NPFFR2: variants seen among roughly 807,000 people sequenced by gnomAD.
The protein encoded by NPFFR2 is neuropeptide FF receptor 2.
In NPFFR2, 15 loss-of-function variants were observed where a neutral mutation model predicts 13.1. That is an observed-to-expected ratio of 1.15 (90% CI 0.77 to 1.76). The LOEUF (loss-of-function observed/expected upper bound fraction) is 1.76. Among genes scored for constraint, NPFFR2 ranks in the 40% most tolerant of loss-of-function variants. The pLI, the probability that NPFFR2 is intolerant of heterozygous loss-of-function variation, is 0.00. For missense variants in NPFFR2, 572 were observed against 503.5 expected (o/e 1.14, Z -1.30); for synonymous variants, 190 against 175.7 (o/e 1.08, Z -0.65).
chr4:72,043,908 G>A (rs1719304012), intron 1 of NPFFR2, among the ~76,000 whole-genome samples: 1 of 152,100 alleles, frequency 6.6e-6, no homozygotes, highest in South Asian at 2.1e-4. Flanking sequence ...AGAATGACAT[G>A]GTTTGGCTGT....
intron 1 of NPFFR2, among the ~76,000 whole-genome samples, chr4:72,050,610 T>G (rs930830888): frequency 6.6e-6 from 1 of 151,986 alleles, no homozygotes; most frequent in African/African-American, 2.4e-5. Context: ...TACATTTCTT[T>G]GATGTATTTT....
intron 1 of NPFFR2, among the ~76,000 whole-genome samples, chr4:72,114,985 A>T (rs1350249707): frequency 1.3e-5 from 2 of 152,186 alleles, no homozygotes; most frequent in Non-Finnish European, 2.9e-5. Flanking sequence ...GGATTAAGTG[A>T]ATTAATAGGG....
At chr4:72,087,330 A>G (rs1347905290) in intron 1 of NPFFR2, among the ~76,000 whole-genome samples, 1 of 152,124 alleles carries the variant, frequency 6.6e-6, no homozygotes, top group Admixed American at 6.6e-5. Flanking sequence ...AAGTTCTGGG[A>G]AGAAAATCCA....
At chr4:72,068,488 A>G (rs1720140062) in intron 1 of NPFFR2, among the ~76,000 whole-genome samples, 1 of 152,210 alleles carries the variant, frequency 6.6e-6, no homozygotes, top group Non-Finnish European at 1.5e-5. Context: ...CATGTTGCCC[A>G]TTAAGTTTCA....
intron 1 of NPFFR2, among the ~76,000 whole-genome samples, chr4:72,044,207 A>G (rs1161304740): frequency 1.3e-5 from 2 of 152,206 alleles, no homozygotes; most frequent in Non-Finnish European, 2.9e-5. Context: ...GAATCAATCA[A>G]ACCTCTTTCC....
At chr4:72,094,859 G>A (rs6857512) in intron 1 of NPFFR2, among the ~76,000 whole-genome samples, 40,814 of 152,058 alleles carry the variant, frequency 0.27, 5,821 homozygotes, top group Middle Eastern at 0.37. Context: ...TGTTCCTGCC[G>A]TGGTTCTTGG....
At chr4:72,068,965 A>C in intron 1 of NPFFR2, 1 of 1,437,136 alleles carries the variant, frequency 7.0e-7, no homozygotes, top group Non-Finnish European at 9.2e-7. Context: ...ACATACAAGA[A>C]ACATCAAAAA....
At chr4:72,112,765 G>A (rs1006183101) in intron 1 of NPFFR2, among the ~76,000 whole-genome samples, 1 of 151,828 alleles carries the variant, frequency 6.6e-6, no homozygotes, top group Admixed American at 6.6e-5. Context: ...TGTCTCATGT[G>A]TCTCACAATG....
intron 1 of NPFFR2, among the ~76,000 whole-genome samples, chr4:72,075,959 A>ACT (rs1720415130): frequency 6.9e-5 from 1 of 14,566 alleles, no homozygotes; most frequent in Non-Finnish European, 6.5e-4. Flanking sequence ...TCTCTCTGTC[A>ACT]CACACACACA....
chr4:72,106,743 G>A (rs572741598), intron 1 of NPFFR2, among the ~76,000 whole-genome samples: 2 of 152,078 alleles, frequency 1.3e-5, no homozygotes, highest in South Asian at 2.1e-4. Context: ...AGCCAACGGG[G>A]CATCCTTGTT....
intron 1 of NPFFR2, among the ~76,000 whole-genome samples, chr4:72,096,674 G>A (rs1345614278): frequency 6.6e-6 from 1 of 151,992 alleles, no homozygotes; most frequent in African/African-American, 2.4e-5. Context: ...CCAACCTGGG[G>A]ATTGTGACAA....
chr4:72,141,057 A>C (rs958138763), intron 3 of NPFFR2, among the ~76,000 whole-genome samples: 1 of 152,084 alleles, frequency 6.6e-6, no homozygotes, highest in Non-Finnish European at 1.5e-5. Context: ...AGAGGTGTTT[A>C]TAGTATTCTC....
At chr4:72,090,052 T>G (rs1187003459) in intron 1 of NPFFR2, among the ~76,000 whole-genome samples, 3 of 152,186 alleles carry the variant, frequency 2.0e-5, no homozygotes, top group Non-Finnish European at 4.4e-5. Context: ...GCTTGCCAAT[T>G]ATCCCAGCAC....
chr4:72,047,423 T>C (rs949187815), intron 1 of NPFFR2, among the ~76,000 whole-genome samples: 7 of 152,182 alleles, frequency 4.6e-5, no homozygotes, highest in African/African-American at 1.7e-4. Flanking sequence ...CAGGGTTAAC[T>C]TGGGTCTCCA....
intron 1 of NPFFR2, among the ~76,000 whole-genome samples, chr4:72,062,535 A>G (rs1322003829): frequency 6.6e-6 from 1 of 150,938 alleles, no homozygotes; most frequent in Non-Finnish European, 1.5e-5. Context: ...AAAAAAAAAA[A>G]AAGAAGTCGT....
At chr4:72,102,901 TG>T (rs1009164521) in intron 1 of NPFFR2, among the ~76,000 whole-genome samples, 4 of 152,066 alleles carry the variant, frequency 2.6e-5, no homozygotes, top group Non-Finnish European at 4.4e-5. Context: ...ATGGGATTGC[TG>T]GGTCAAGTGG....
chr4:72,039,388 T>C, intron 1 of NPFFR2: 1 of 985,166 alleles, frequency 1.0e-6, no homozygotes, highest in Non-Finnish European at 1.2e-6. Context: ...TCTGCCCACC[T>C]CTTCTCTTCT....
At chr4:72,079,495 C>A (rs1422635883) in intron 1 of NPFFR2, among the ~76,000 whole-genome samples, 1 of 151,804 alleles carries the variant, frequency 6.6e-6, no homozygotes, top group African/African-American at 2.4e-5. Context: ...GAACATGATA[C>A]CAAAATAAAC....
chr4:72,100,463 AAAG>A (rs1257994644), intron 1 of NPFFR2, among the ~76,000 whole-genome samples: 1 of 152,100 alleles, frequency 6.6e-6, no homozygotes, highest in Non-Finnish European at 1.5e-5. Context: ...TAATTAGATG[AAAG>A]AAGAAGAAAG....
Sources: allele counts gnomAD v4.1 joint callset (sites outside exome capture counted in the v4.1 genomes callset), GRCh38; gene constraint gnomAD v4.1.1; transcripts MANE v1.5; gene names NCBI Gene and HGNC (gene_info 2026-07-23, HGNC 2026-07-21).